RBM20: variants seen among roughly 807,000 people sequenced by gnomAD.
The protein encoded by RBM20 is RNA-binding protein 20.
In RBM20, 51 loss-of-function variants were observed where a neutral mutation model predicts 110.1. The ratio of observed to expected loss-of-function variants is 0.46; its 90% CI spans 0.37 to 0.59. RBM20 has a LOEUF of 0.59. Among genes scored for constraint, RBM20 ranks in the 20% least tolerant of loss-of-function variants. The pLI is 0.00. For missense variants in RBM20, 1,512 were observed against 1,574.9 expected, an observed-to-expected ratio of 0.96 and a Z score of 0.68; for synonymous variants, 589 against 618.2, an observed-to-expected ratio of 0.95 and a Z score of 0.70.
intron 1 of RBM20, among the ~76,000 whole-genome samples, chr10:110,671,778 G>T (rs958079321): frequency 4.0e-5 from 6 of 151,878 alleles, no homozygotes; most frequent in African/African-American, 1.2e-4. Context: ...CTTATTAACC[G>T]TATTTACAAG....
intron 1 of RBM20, among the ~76,000 whole-genome samples, chr10:110,772,383 C>T (rs1844204930): frequency 6.6e-6 from 1 of 152,254 alleles, no homozygotes. Flanking sequence ...ACACATGCCT[C>T]TGAACGAAGC....
At chr10:110,745,376 G>A (rs1028971861) in intron 1 of RBM20, among the ~76,000 whole-genome samples, 10 of 152,108 alleles carry the variant, frequency 6.6e-5, no homozygotes, top group African/African-American at 1.4e-4. Flanking sequence ...CAGGGTGGTC[G>A]GAGAGGGATG....
chr10:110,814,596 A>G (rs1844816022), intron 9 of RBM20, among the ~76,000 whole-genome samples: 1 of 152,120 alleles, frequency 6.6e-6, no homozygotes. Context: ...CCTAGGTTCA[A>G]GCAATTCTCC....
intron 1 of RBM20, among the ~76,000 whole-genome samples, chr10:110,693,488 G>T (rs1208750916): frequency 1.3e-5 from 2 of 152,054 alleles, no homozygotes; most frequent in Non-Finnish European, 2.9e-5. Flanking sequence ...GTCAGTTTTG[G>T]TAGATTGTAT....
chr10:110,762,622 T>C (rs866165864), intron 1 of RBM20, among the ~76,000 whole-genome samples: 3 of 152,228 alleles, frequency 2.0e-5, no homozygotes, highest in Non-Finnish European at 2.9e-5. Context: ...CAGCTCCGGC[T>C]GTACCAGGTG....
chr10:110,745,938 G>A (rs1435734201), intron 1 of RBM20, among the ~76,000 whole-genome samples: 2 of 152,112 alleles, frequency 1.3e-5, no homozygotes, highest in Non-Finnish European at 2.9e-5. Context: ...ACAATAATTT[G>A]AGAATGTTCA....
At chr10:110,660,435 G>A (rs928618465) in intron 1 of RBM20, among the ~76,000 whole-genome samples, 7 of 152,238 alleles carry the variant, frequency 4.6e-5, no homozygotes, top group Non-Finnish European at 8.8e-5. Flanking sequence ...GGCCATGGAC[G>A]GGTACCAGGC....
chr10:110,751,444 C>T (rs551278973), intron 1 of RBM20, among the ~76,000 whole-genome samples: 1 of 152,306 alleles, frequency 6.6e-6, no homozygotes, highest in Admixed American at 6.5e-5. Context: ...AAAAAACATG[C>T]CCCCCATGTC....
rs571350157 is a variant in RBM20 at position 110,686,284 on chromosome 10, C to G, written c.191+41639C>G. ...TATTATTACTATTTATTTATAGTAG[C>G]TAGTGACTAATGATGAATGATTCTT... On this transcript the variant is annotated intron_variant, in intron 1 of 13. Coordinates refer to ENST00000369519, the MANE Select transcript of RBM20 (RefSeq NM_001134363.3). Among the ~76,000 whole-genome samples the G allele has an allele frequency of 3.9e-5, 6 of 152,206 alleles. No homozygotes were observed. In the South Asian group the frequency reaches 1.0e-3, roughly 26 times the overall value.
chr10:110,714,293 G>A (rs1862984079), intron 1 of RBM20, among the ~76,000 whole-genome samples: 1 of 152,194 alleles, frequency 6.6e-6, no homozygotes. Flanking sequence ...GTTCTTGGAG[G>A]TCAATGAAAA....
chr10:110,831,370 C>T, intron 13 of RBM20, 188 bp downstream of exon 13: 1 of 564,588 alleles, frequency 1.8e-6, no homozygotes, highest in Non-Finnish European at 3.1e-6. Context: ...GTGTCTGTCT[C>T]CTTCCACTAC....
At chr10:110,653,648 C>T (rs1861981946) in intron 1 of RBM20, among the ~76,000 whole-genome samples, 1 of 152,018 alleles carries the variant, frequency 6.6e-6, no homozygotes, top group Admixed American at 6.6e-5. Flanking sequence ...CCTTGACCTC[C>T]CTGGCTCAAG....
At chr10:110,715,820 A>T (rs1278712461) in intron 1 of RBM20, among the ~76,000 whole-genome samples, 1 of 152,218 alleles carries the variant, frequency 6.6e-6, no homozygotes, top group Non-Finnish European at 1.5e-5. Context: ...ACAGTACTGA[A>T]GGGTCTCACC....
chr10:110,753,929 C>T (rs1470235775), intron 1 of RBM20, among the ~76,000 whole-genome samples: 2 of 152,200 alleles, frequency 1.3e-5, no homozygotes, highest in Non-Finnish European at 2.9e-5. Flanking sequence ...TGTCAAATCC[C>T]TCTTTGGCCT....
intron 1 of RBM20, among the ~76,000 whole-genome samples, chr10:110,727,407 A>T (rs1448924062): frequency 4.0e-5 from 1 of 25,156 alleles, no homozygotes; most frequent in African/African-American, 1.8e-4. Flanking sequence ...CTCAAAAAAT[A>T]AAAATAAAAA....
rs552709127 is a variant in RBM20 at position 110,736,025 on chromosome 10, G to A, written c.192-44776G>A. On this transcript the variant is annotated intron_variant, in intron 1 of 13. Coordinates refer to ENST00000369519, the MANE Select transcript of RBM20 (RefSeq NM_001134363.3). ...GTGGGCAGAACCAACCCTTCCACAC[G>A]CCAGCCTGTCTTCCTTAGAGAGCAC... 2.6e-5 allele frequency among the ~76,000 whole-genome samples: 4 copies of A among 152,256 alleles called. No homozygotes were observed. In the South Asian group the frequency reaches 6.2e-4, roughly 24 times the overall value.
At chr10:110,662,883 C>T (rs530043267) in intron 1 of RBM20, among the ~76,000 whole-genome samples, 15 of 152,300 alleles carry the variant, frequency 9.8e-5, no homozygotes, top group African/African-American at 3.1e-4. Context: ...TTCATCCCTA[C>T]ATTGGACATC....
At chr10:110,788,133 C>G (rs1427386688) in intron 5 of RBM20, among the ~76,000 whole-genome samples, 7 of 151,784 alleles carry the variant, frequency 4.6e-5, no homozygotes, top group Non-Finnish European at 1.5e-5. Context: ...TTTGTAACCA[C>G]TAAGCCCTGC....
At chr10:110,768,108 C>G (rs541994243) in intron 1 of RBM20, among the ~76,000 whole-genome samples, 35 of 152,366 alleles carry the variant, frequency 2.3e-4, no homozygotes, top group Admixed American at 1.6e-3. Context: ...CGCGCGCCTG[C>G]AATCGCAGGC....
Sources: gnomAD v4.1 joint callset for allele counts (sites outside exome capture counted in the v4.1 genomes callset) on GRCh38, gnomAD v4.1.1 for gene constraint, MANE v1.5 for transcripts, NCBI Gene and HGNC (gene_info 2026-07-23, HGNC 2026-07-21) for gene names.